Variants in MGST1 observed in about 807,000 individuals in gnomAD.
The protein encoded by MGST1 is glutathione S-transferase 12.
MGST1 carries 5 observed loss-of-function variants against 8.9 expected under a neutral mutation model. That is an observed-to-expected ratio of 0.56 (90% CI 0.29 to 1.19). The LOEUF (loss-of-function observed/expected upper bound fraction) is 1.19. Ranked by LOEUF, MGST1 falls within the 50% of genes most tolerant of loss-of-function variation. MGST1 has a pLI of 0.08. For synonymous variants in MGST1, 54 were observed against 67.8 expected, an observed-to-expected ratio of 0.80 and a Z score of 1.00; for missense variants, 182 against 187.4, an observed-to-expected ratio of 0.97 and a Z score of 0.17.
intron 4 of MGST1, among the ~76,000 whole-genome samples, chr12:16,488,446 T>A (rs187508498): frequency 1.4e-4 from 22 of 152,282 alleles, no homozygotes; most frequent in Admixed American, 3.3e-4. Context: ...TATCTTGATG[T>A]TCTCTCTGTC....
In MGST1 at chr12:16,544,047, A is replaced by G. The variant is rs1941807600; in HGVS notation, n.483-45481A>G. Among the ~76,000 whole-genome samples the G allele has an allele frequency of 6.6e-6, 1 of 152,036 alleles. No individual in the cohort carries two copies. The highest frequency in any genetic ancestry group is 6.6e-5 in the Admixed American group (1 of 15,242). On this transcript the variant is annotated intron_variant and non_coding_transcript_variant, in intron 4 of 4. Transcript: ENST00000538857. The surrounding 1 kb of genome is among the most constrained non-coding windows in gnomAD (Gnocchi z 4.8). ...GTGATTTCTTATACTGCTGCTTTAT[A>G]CACATTTGTTTGGTCGCTGCAGTTT...
intron 4 of MGST1, chr12:16,551,393 T>C: frequency 1.0e-6 from 1 of 965,520 alleles, no homozygotes; most frequent in Admixed American, 1.8e-5. Context: ...AATTTGAAGA[T>C]TTATTTTCCT....
intron 1 of MGST1, among the ~76,000 whole-genome samples, chr12:16,415,939 G>A (rs183042016): frequency 2.0e-5 from 3 of 152,134 alleles, no homozygotes; most frequent in Non-Finnish European, 1.5e-5. Context: ...ATAAATATTT[G>A]CAGCCATAAT....
At chr12:16,528,285 C>T (rs955287926) in intron 4 of MGST1, among the ~76,000 whole-genome samples, 1 of 151,888 alleles carries the variant, frequency 6.6e-6, no homozygotes, top group Non-Finnish European at 1.5e-5. Flanking sequence ...TCATCGTAGG[C>T]TAAACATAAC....
At chr12:16,442,672 T>C (rs1367020174), downstream of MGST1, among the ~76,000 whole-genome samples, 1 of 151,940 alleles carries the variant, frequency 6.6e-6, no homozygotes. The surrounding 1 kb of genome is among the most constrained non-coding windows in gnomAD (Gnocchi z 4.5). Context: ...CTTTTACCAA[T>C]ACCACAATGT....
intron 4 of MGST1, among the ~76,000 whole-genome samples, chr12:16,504,965 T>G (rs1158823987): frequency 6.6e-6 from 1 of 152,224 alleles, no homozygotes; most frequent in Admixed American, 6.5e-5. Flanking sequence ...GTTGTTAAAT[T>G]TAATGGCTTC....
downstream of MGST1, among the ~76,000 whole-genome samples, chr12:16,381,323 A>C (rs546052545): frequency 5.9e-4 from 90 of 152,286 alleles, 1 homozygote; most frequent in African/African-American, 2.0e-3. Flanking sequence ...GAGCTCTTTC[A>C]GGGCAGGCCT....
chr12:16,553,653 C>T (rs1324189775), intron 4 of MGST1, among the ~76,000 whole-genome samples: 2 of 152,044 alleles, frequency 1.3e-5, no homozygotes, highest in African/African-American at 2.4e-5. Context: ...ACAAAACAGC[C>T]TTGAAAGCTG....
chr12:16,457,646 C>T lies in MGST1; in HGVS notation n.482+74042C>T, dbSNP rs79051531. On this transcript the variant is annotated intron_variant and non_coding_transcript_variant, in intron 4 of 4. Transcript: ENST00000538857. Reference sequence around the variant, plus strand: ...TTCTCTCTATTTGCTTTTTCTTTCTCTAAACCTTCATGCTGTAATGCAGAA... The same window carrying T: ...TTCTCTCTATTTGCTTTTTCTTTCTTTAAACCTTCATGCTGTAATGCAGAA... Among the ~76,000 whole-genome samples the T allele has an allele frequency of 5.4e-3, 818 of 151,980 alleles. 21 individuals carry two copies. The East Asian group carries it at 0.07, about 13-fold the overall frequency.
intron 4 of MGST1, among the ~76,000 whole-genome samples, chr12:16,486,392 A>G (rs1198348371): frequency 6.6e-6 from 1 of 152,244 alleles, no homozygotes; most frequent in African/African-American, 2.4e-5. Context: ...ATAAAAACAA[A>G]GAACAATAAT....
At chr12:16,402,255 A>G (rs1940662357) in intron 1 of MGST1, 5 of 1,588,328 alleles carry the variant, frequency 3.1e-6, no homozygotes, top group Non-Finnish European at 3.5e-6. Flanking sequence ...ATAACCAAAG[A>G]GCCATGTCTG....
intron 4 of MGST1, among the ~76,000 whole-genome samples, chr12:16,459,530 A>G (rs866229776): frequency 6.6e-6 from 1 of 152,174 alleles, no homozygotes; most frequent in Middle Eastern, 3.4e-3. Flanking sequence ...GCAGCCCTTT[A>G]TTATTTAAGA....
In MGST1 at chr12:16,413,901, G is replaced by A. The variant is rs1315089173; in HGVS notation, n.779-23487G>A. Among the ~76,000 whole-genome samples, 2 of 152,074 alleles carry A rather than the reference G, an allele frequency of 1.3e-5. No homozygotes were observed. The highest frequency in any genetic ancestry group is 4.8e-5 in the African/African-American group (2 of 41,414). Reference sequence around the variant, plus strand: ...AGTATACATATATTAATATGAATATGTGAATGTATATTATTTTCTTCTTAC... The same window carrying A: ...AGTATACATATATTAATATGAATATATGAATGTATATTATTTTCTTCTTAC... On this transcript the variant is annotated intron_variant and non_coding_transcript_variant, in intron 1 of 1. Coordinates refer to the MGST1 transcript ENST00000359720. This position sits in a 1 kb window ranked among gnomAD's most constrained non-coding sequence, Gnocchi z 4.0.
intron 4 of MGST1, among the ~76,000 whole-genome samples, chr12:16,463,293 C>A (rs1478455709): frequency 6.6e-6 from 1 of 152,120 alleles, no homozygotes; most frequent in East Asian, 1.9e-4. Context: ...AAGCCATCCT[C>A]CTTGCCTCAG....
At chr12:16,571,182 T>C (rs978438193) in intron 4 of MGST1, among the ~76,000 whole-genome samples, 2 of 152,108 alleles carry the variant, frequency 1.3e-5, no homozygotes, top group African/African-American at 4.8e-5. Flanking sequence ...TCACCTATTG[T>C]ATAAGTTAAA....
At chr12:16,356,174 C>G (rs1411721139) in intron 2 of MGST1, among the ~76,000 whole-genome samples, 1 of 152,206 alleles carries the variant, frequency 6.6e-6, no homozygotes, top group African/African-American at 2.4e-5. Context: ...CTTTAACATA[C>G]AAGTTTTAGG....
intron 1 of MGST1, among the ~76,000 whole-genome samples, chr12:16,386,579 G>A (rs1940505969): frequency 6.6e-6 from 1 of 152,160 alleles, no homozygotes; most frequent in Non-Finnish European, 1.5e-5. Context: ...TTACGAGCTA[G>A]CTTTTAAAAA....
rs778968581 is a variant in MGST1 at position 16,547,169 on chromosome 12, C to G, written n.483-42359C>G. ...TAAACCCTAGGCATTCTGAAATCTT[C>G]GTTTATGATACTAATCACACAATTA... On this transcript the variant is annotated intron_variant and non_coding_transcript_variant, in intron 4 of 4. Coordinates refer to the MGST1 transcript ENST00000538857. The surrounding 1 kb of genome is among the most constrained non-coding windows in gnomAD (Gnocchi z 4.6). Among the ~76,000 whole-genome samples the G allele has an allele frequency of 6.6e-6, 1 of 152,098 alleles. No individual in the cohort carries two copies. Among genetic ancestry groups the G allele is most frequent in the Non-Finnish European group, 1.5e-5 (1 of 68,024 alleles).
intron 4 of MGST1, among the ~76,000 whole-genome samples, chr12:16,464,995 A>T (rs570330497): frequency 6.6e-6 from 1 of 152,330 alleles, no homozygotes; most frequent in South Asian, 2.1e-4. Context: ...TATACTTGGA[A>T]TAACAAACTA....
Sources: allele counts gnomAD v4.1 joint callset (sites outside exome capture counted in the v4.1 genomes callset), GRCh38; gene constraint gnomAD v4.1.1; non-coding constraint Gnocchi (gnomAD v3.1); transcripts MANE v1.5; gene names NCBI Gene and HGNC (gene_info 2026-07-23, HGNC 2026-07-21).